Variants in SNAP29 observed in about 807,000 individuals in gnomAD.
SNAP29 encodes the protein synaptosome associated protein 29, also known as synaptosomal-associated protein 29.
Under a neutral mutation model 27.9 loss-of-function variants are expected in SNAP29, and 13 were observed. The observed-to-expected ratio is 0.47, with a 90% CI of 0.30 to 0.74. SNAP29 has a LOEUF of 0.74. Ranked by LOEUF, SNAP29 falls within the 30% of genes least tolerant of loss-of-function variation. SNAP29 has a pLI of 0.06. For synonymous variants in SNAP29, 119 were observed against 127.1 expected, an observed-to-expected ratio of 0.94 and a Z score of 0.43; for missense variants, 368 against 336.5, an observed-to-expected ratio of 1.09 and a Z score of -0.73.
Position 20,859,443 on chromosome 22 carries a change from A to G in SNAP29, c.237+96A>G, listed in dbSNP as rs1928170291. 7.3e-6 allele frequency: 7 copies of G among 955,610 alleles called. No homozygotes were observed. The Admixed American group carries it at 1.0e-4, about 14-fold the overall frequency. The allele number at this position is 955,610 out of a possible 1,614,324, so 59.2% of individuals were successfully genotyped here. A position where few individuals can be genotyped will look rare whatever the true frequency, so the allele number is the denominator to read the frequency against. On this transcript the variant is annotated intron_variant, in intron 1 of 4. Coordinates refer to ENST00000215730, the MANE Select transcript of SNAP29 (RefSeq NM_004782.4). ...GCTCACAATCTTTTGAGAATTCTCA[A>G]GTTGCCTAGCATAGATTCTTGCACC... is the stretch of plus-strand genomic sequence containing the variant.
In SNAP29 at chr22:20,887,896, T is replaced by C. The variant is rs1929058407; in HGVS notation, c.*60T>C. 6.7e-7 allele frequency: 1 copy of C among 1,501,218 alleles called. No homozygotes were observed. 93.0% of individuals were successfully genotyped at this position (1,501,218 alleles called of 1,614,324 possible). A position where few individuals can be genotyped will look rare whatever the true frequency, so the allele number is the denominator to read the frequency against. ...GATTTGAAAGATCTTTTTTTGAACT[T>C]CCAAGAAATTTCATTTACTATTTTA... On this transcript the variant is annotated 3_prime_UTR_variant, in exon 5 of 5. Coordinates refer to ENST00000215730, the MANE Select transcript of SNAP29 (RefSeq NM_004782.4).
At chr22:20,862,476 G>T (rs571115964) in intron 1 of SNAP29, among the ~76,000 whole-genome samples, 1 of 152,322 alleles carries the variant, frequency 6.6e-6, no homozygotes, top group East Asian at 1.9e-4. Context: ...TAGACTGGGT[G>T]TGTTAGAGGA....
intron 1 of SNAP29, among the ~76,000 whole-genome samples, chr22:20,866,519 G>A (rs1000105352): frequency 4.6e-5 from 7 of 152,116 alleles, no homozygotes; most frequent in African/African-American, 1.2e-4. Context: ...ATGCCCTTCC[G>A]TCAGGAACCT....
At chr22:20,877,965 C>T (rs1432004681) in intron 2 of SNAP29, among the ~76,000 whole-genome samples, 1 of 152,192 alleles carries the variant, frequency 6.6e-6, no homozygotes, top group Non-Finnish European at 1.5e-5. Flanking sequence ...GTGTTCTAGA[C>T]TTTCAGTCAC....
chr22:20,868,982 C>G (rs1928523331), intron 1 of SNAP29, among the ~76,000 whole-genome samples: 1 of 152,172 alleles, frequency 6.6e-6, no homozygotes. Context: ...GTCCCTGCCT[C>G]GTGGAGCTCA....
chr22:20,859,337 C>T lies in SNAP29; in HGVS notation c.227C>T (p.Ala76Val), dbSNP rs1281749321. ...TACGAGTCCGAGAAGGTTGGGGTCG[C>T]CTCTTCCGAGGTGAGCCTGGGGCAG... ...LMYESEKVGV[A>V]SSEELARQRG... is the part of the protein sequence containing the mutation. The change falls in exon 1 of 5, where the codon GCC becomes GTC. Residue 76 changes from alanine (A) to valine (V), a missense_variant. Transcript: ENST00000215730. 1.9e-6 allele frequency: 3 copies of T among 1,612,336 alleles called. No individual in the cohort carries two copies. The highest frequency in any genetic ancestry group is 2.5e-6 in the Non-Finnish European group (3 of 1,178,792).
chr22:20,874,289 A>G (rs906998993), intron 2 of SNAP29, among the ~76,000 whole-genome samples: 15 of 148,018 alleles, frequency 1.0e-4, no homozygotes, highest in Admixed American at 8.4e-4. Context: ...GCGACAGAGC[A>G]AGACTCTGAC....
chr22:20,869,784 C>G (rs563564727), intron 1 of SNAP29, among the ~76,000 whole-genome samples: 79 of 152,140 alleles, frequency 5.2e-4, no homozygotes, highest in African/African-American at 1.7e-3. Flanking sequence ...CCCTCACCCC[C>G]AACCGAGACG....
chr22:20,887,540 A>G (rs989590937), intron 4 of SNAP29, 139 bp from the exon 5 acceptor site: 4 of 879,106 alleles, frequency 4.6e-6, no homozygotes, highest in Admixed American at 1.7e-5. Flanking sequence ...CAATTAAGTC[A>G]AGACTCATCT....
At chr22:20,884,463 C>A (rs888285641) in intron 4 of SNAP29, among the ~76,000 whole-genome samples, 1 of 152,140 alleles carries the variant, frequency 6.6e-6, no homozygotes, top group African/African-American at 2.4e-5. Flanking sequence ...CCTGCAGGCT[C>A]GTGTGGGATT....
chr22:20,876,002 A>C (rs1203003456), intron 2 of SNAP29, among the ~76,000 whole-genome samples: 4 of 151,950 alleles, frequency 2.6e-5, no homozygotes, highest in Non-Finnish European at 5.9e-5. Context: ...TCTACTAAAA[A>C]TACAAAAAAT....
rs79643895 is a variant in SNAP29, at chr22:20,870,142, A to G, written c.238-195A>G. Among the ~76,000 whole-genome samples, 269 of 152,174 alleles carry G rather than the reference A, an allele frequency of 1.8e-3. 2 individuals are homozygous for G. Among genetic ancestry groups the G allele is most frequent in the African/African-American group, 5.7e-3 (238 of 41,520 alleles). ...GGTCTCATGAACAAATGAGGAAAGC[A>G]AGTAGAGGTAGGGCAGGGAGGGAGA... On this transcript the variant is annotated intron_variant, in intron 1 of 4. Transcript: ENST00000215730.
rs1390811517 is a variant in SNAP29 at position 20,890,174 on chromosome 22, T to C, written c.*2338T>C. 1 of 397,840 alleles carries C rather than the reference T, an allele frequency of 2.5e-6. No homozygotes were observed. Among genetic ancestry groups the C allele is most frequent in the Non-Finnish European group, 4.4e-6 (1 of 225,792 alleles). The allele number at this position is 397,840 out of a possible 1,614,324, so 24.6% of individuals were successfully genotyped here. ...ATGCCCAGGAAGGCCTGGTTGCTGATGCTACTTTATAAATGAGTTGCTTGC... is the reference window on the plus strand; with the variant it reads ...ATGCCCAGGAAGGCCTGGTTGCTGACGCTACTTTATAAATGAGTTGCTTGC... On this transcript the variant is annotated 3_prime_UTR_variant, in exon 5 of 5. Transcript: ENST00000215730.
At position 20,859,046 on chromosome 22, in the gene SNAP29, C is replaced by A. The variant is rs1031237551; in HGVS notation, c.-65C>A. ...CGCGGGGTCGGCGGGCGGGGCGAGG[C>A]CCTGGACGGCGGCGGCAGTGGGGCT... On this transcript the variant is annotated 5_prime_UTR_variant, in exon 1 of 5. Transcript: ENST00000215730. 16 of 1,439,828 alleles carry A rather than the reference C, an allele frequency of 1.1e-5. No homozygotes were observed. Among genetic ancestry groups the A allele is most frequent in the Non-Finnish European group, 1.5e-5 (16 of 1,039,646 alleles). 89.2% of individuals were successfully genotyped at this position (1,439,828 alleles called of 1,614,324 possible). A position where few individuals can be genotyped will look rare whatever the true frequency, so the allele number is the denominator to read the frequency against.
At chr22:20,886,499 G>A (rs1172873639) in intron 4 of SNAP29, among the ~76,000 whole-genome samples, 1 of 151,392 alleles carries the variant, frequency 6.6e-6, no homozygotes, top group Non-Finnish European at 1.5e-5. Context: ...AGTAGAGACG[G>A]GGTTTCACCA....
intron 2 of SNAP29, among the ~76,000 whole-genome samples, chr22:20,879,016 T>C (rs973140993): frequency 2.6e-5 from 4 of 152,076 alleles, no homozygotes; most frequent in African/African-American, 7.2e-5. Flanking sequence ...ATTTAAAATA[T>C]AAAAACAGTG....
chr22:20,883,557 G>T lies in SNAP29; in HGVS notation c.607G>T (p.Asp203Tyr). ...CCTTCGAGCCTATCACCAGAAGATCGACAGCAACCTAGGTAAGACTGAGCA... is the reference window on the plus strand; with the variant it reads ...CCTTCGAGCCTATCACCAGAAGATCTACAGCAACCTAGGTAAGACTGAGCA... Reference protein sequence around the residue: ...PHLRAYHQKIDSNLDELSMGL... With the variant: ...PHLRAYHQKIYSNLDELSMGL... The change falls in exon 4 of 5, where the codon GAC becomes TAC. Residue 203 changes from aspartate to tyrosine, a missense_variant. Asp to Tyr is a radical substitution (Grantham distance 160, BLOSUM62 -3). Coordinates refer to ENST00000215730, the MANE Select transcript of SNAP29 (RefSeq NM_004782.4). 6.2e-7 allele frequency: 1 copy of T among 1,610,252 alleles called. No individual in the cohort carries two copies. The highest frequency in any genetic ancestry group is 1.1e-5 in the South Asian group (1 of 90,926).
chr22:20,891,094 C>T lies in SNAP29; in HGVS notation c.*3258C>T, dbSNP rs1281817296. 6.6e-6 allele frequency: 1 copy of T among 152,034 alleles called. No individual in the cohort carries two copies. The highest frequency in any genetic ancestry group is 1.5e-5 in the Non-Finnish European group (1 of 68,022). The allele number at this position is 152,034 out of a possible 1,614,324, so 9.4% of individuals were successfully genotyped here. ...ACTGTCCTTCGAGAAAGTTTTCTAA[C>T]ATCTAGTAATTTGTAACTTAGAAGT... is the stretch of plus-strand genomic sequence containing the variant. On this transcript the variant is annotated 3_prime_UTR_variant, in exon 5 of 5. Coordinates refer to ENST00000215730, the MANE Select transcript of SNAP29 (RefSeq NM_004782.4).
intron 1 of SNAP29, among the ~76,000 whole-genome samples, chr22:20,868,306 A>T: frequency 6.6e-6 from 1 of 152,230 alleles, no homozygotes; most frequent in Non-Finnish European, 1.5e-5. Flanking sequence ...GTTTGTTCAG[A>T]CATCTCTTGT....
Sources: allele counts gnomAD v4.1 joint callset (sites outside exome capture counted in the v4.1 genomes callset), GRCh38; gene constraint gnomAD v4.1.1; transcripts MANE v1.5; gene names NCBI Gene and HGNC (gene_info 2026-07-23, HGNC 2026-07-21).